Variants in PCDHGA10 observed in about 807,000 individuals in gnomAD.
PCDHGA10 encodes the protein protocadherin gamma subfamily A, 10, also known as protocadherin gamma-A10.
In PCDHGA10, 42 loss-of-function variants were observed where a neutral mutation model predicts 59.5. That is an observed-to-expected ratio of 0.71 (90% confidence interval 0.55 to 0.91). The LOEUF (loss-of-function observed/expected upper bound fraction) is 0.91, where lower values mean the gene tolerates loss of function less well. Among genes scored for constraint, PCDHGA10 ranks in the 40% least tolerant of loss-of-function variants. PCDHGA10 has a pLI of 0.00. For missense variants in PCDHGA10, 1,111 were observed against 1,198.2 expected, an observed-to-expected ratio of 0.93 and a Z score of 1.07; for synonymous variants, 511 against 517.2, an observed-to-expected ratio of 0.99 and a Z score of 0.16.
At chr5:141,460,912 GTA>G (rs34683754) in intron 1 of PCDHGA10, among the ~76,000 whole-genome samples, 12 of 149,310 alleles carry the variant, frequency 8.0e-5, no homozygotes, top group African/African-American at 7.4e-5. Flanking sequence ...ATTCCATGGT[GTA>G]TATATATATA....
At position 141,476,573 on chromosome 5, in the gene PCDHGA10, C is replaced by T; in HGVS notation, c.2437-18234C>T. 6.2e-7 allele frequency: 1 copy of T among 1,614,216 alleles called. No homozygotes were observed. Among genetic ancestry groups the T allele is most frequent in the Non-Finnish European group, 8.5e-7 (1 of 1,180,038 alleles). On this transcript the variant is annotated intron_variant, in intron 1 of 3. Coordinates refer to ENST00000398610, the MANE Select transcript of PCDHGA10 (RefSeq NM_018913.3). The surrounding 1 kb of genome is among the most constrained non-coding windows in gnomAD (Gnocchi z 7.6). ...TAGCGAGGCCGTGGCTCCGGGGACG[C>T]GCTTTCCGCTCGAGAGCGCGCACGA... is the stretch of plus-strand genomic sequence containing the variant.
In PCDHGA10 at chr5:141,413,517, G is replaced by A. The variant is rs1561743187; in HGVS notation, c.342G>A (p.Val114=). The A allele has an allele frequency of 6.2e-7, 1 of 1,613,946 alleles. No individual in the cohort carries two copies. Residue 114 remains valine, a synonymous_variant, in exon 1 of 4, where the codon GTG becomes GTA. Coordinates refer to ENST00000398610, the MANE Select transcript of PCDHGA10 (RefSeq NM_018913.3). ...ARCVVSFNIL[V]EDRVKLFGIE... ...GCGTGGTGAGTTTTAATATCCTTGT[G>A]GAAGACAGGGTGAAACTTTTTGGGA...
Position 141,477,598 on chromosome 5 carries a change from C to A in PCDHGA10, c.2437-17209C>A. The A allele has an allele frequency of 6.2e-7, 1 of 1,614,180 alleles. No homozygotes were observed. The highest frequency in any genetic ancestry group is 8.5e-7 in the Non-Finnish European group (1 of 1,180,030). ...CCCCGCAGAATGCTCGGCTTTCTTT[C>A]TTTCTCTTGGAGCAAGGAGCTGAAA... On this transcript the variant is annotated intron_variant, in intron 1 of 3. Transcript: ENST00000398610. This position sits in a 1 kb window ranked among gnomAD's most constrained non-coding sequence, Gnocchi z 4.9.
At chr5:141,423,757 G>C (rs562479446) in intron 1 of PCDHGA10, 29 of 395,138 alleles carry the variant, frequency 7.3e-5, no homozygotes, top group African/African-American at 6.1e-4. Flanking sequence ...GTTTGGGGGG[G>C]GGGTGGGGCG....
intron 1 of PCDHGA10, chr5:141,430,885 C>T (rs771554381): frequency 5.6e-6 from 9 of 1,605,218 alleles, no homozygotes; most frequent in South Asian, 1.1e-5. Flanking sequence ...TGGAGAAAGG[C>T]TCTAGGGTGG....
At chr5:141,459,263 C>T (rs2098964603) in intron 1 of PCDHGA10, among the ~76,000 whole-genome samples, 1 of 152,176 alleles carries the variant, frequency 6.6e-6, no homozygotes, top group South Asian at 2.1e-4. Flanking sequence ...ATTAGTGTTG[C>T]CTCTTTCAGA....
In PCDHGA10 at chr5:141,431,955, GA is replaced by G; in HGVS notation, c.2436+16347del. ...CCCTTTAAATTAGAAAAATCTTACG[GA>G]AATTACTATAGTTTAGTCACAGACA... On this transcript the variant is annotated intron_variant, in intron 1 of 3. Coordinates refer to ENST00000398610, the MANE Select transcript of PCDHGA10 (RefSeq NM_018913.3). The surrounding 1 kb of genome is among the most constrained non-coding windows in gnomAD (Gnocchi z 4.8). The G allele has an allele frequency of 6.2e-7, 1 of 1,614,142 alleles. No homozygotes were observed. Among genetic ancestry groups the G allele is most frequent in the Non-Finnish European group, 8.5e-7 (1 of 1,180,024 alleles).
Position 141,486,954 on chromosome 5 carries a change from C to T in PCDHGA10, c.2437-7853C>T, listed in dbSNP as rs764632268. 3.7e-6 allele frequency: 6 copies of T among 1,614,114 alleles called. 1 individual carries two copies. The South Asian group carries it at 6.6e-5, about 18-fold the overall frequency. On this transcript the variant is annotated intron_variant, in intron 1 of 3. Coordinates refer to ENST00000398610, the MANE Select transcript of PCDHGA10 (RefSeq NM_018913.3). The surrounding 1 kb of genome is among the most constrained non-coding windows in gnomAD (Gnocchi z 5.0). ...GCTGGCCACCTAATCACAAAGGTGA[C>T]TGCTGTGGACTTGGATTCAGGTTAC...
intron 3 of PCDHGA10, 57 bp from the exon 4 acceptor site, chr5:141,510,890 A>G (rs1434557860): frequency 1.2e-5 from 20 of 1,612,748 alleles, no homozygotes; most frequent in South Asian, 3.3e-5. Context: ...GATATAAGAC[A>G]GTGACTGTTG....
chr5:141,416,745 C>T (rs186830862), intron 1 of PCDHGA10: 5 of 152,194 alleles, frequency 3.3e-5, no homozygotes, highest in South Asian at 2.1e-4. Flanking sequence ...AAAATAGTGA[C>T]GTATTAGGTA....
chr5:141,422,453 G>A, intron 1 of PCDHGA10: 3 of 1,611,704 alleles, frequency 1.9e-6, no homozygotes, highest in Non-Finnish European at 2.5e-6. Context: ...ATAACAAGCA[G>A]AGTGCTGGAC....
chr5:141,421,931 A>T, intron 1 of PCDHGA10: 1 of 1,613,556 alleles, frequency 6.2e-7, no homozygotes, highest in East Asian at 2.2e-5. Context: ...GTGGTCCTCG[A>T]TGTAAATGAT....
At chr5:141,454,789 G>T (rs1368681394) in intron 1 of PCDHGA10, among the ~76,000 whole-genome samples, 1 of 129,576 alleles carries the variant, frequency 7.7e-6, no homozygotes, top group African/African-American at 3.1e-5. Flanking sequence ...AATCCTCCAT[G>T]GTTCTAATTT....
rs1167812243 is a variant in PCDHGA10, at chr5:141,414,179, C to T, written c.1004C>T (p.Ala335Val). ...GATGGAGGAGCATATCTTGCAACTG[C>T]AAAAGTGTTGATTACAGTAGAAGAT... The part of the protein sequence containing the change: ...AEDGGAYLAT[A>V]KVLITVEDVN... Residue 335 changes from alanine to valine, a missense_variant, in exon 1 of 4, where the codon GCA (alanine) becomes GTA (valine). Ala to Val is a moderately conservative substitution (Grantham distance 64). Transcript: ENST00000398610. 3 of 1,608,128 alleles carry T rather than the reference C, an allele frequency of 1.9e-6. No individual in the cohort carries two copies. In the South Asian group the frequency reaches 3.3e-5, roughly 18 times the overall value.
At chr5:141,495,800 C>T (rs1351461035) in intron 2 of PCDHGA10, among the ~76,000 whole-genome samples, 5 of 152,134 alleles carry the variant, frequency 3.3e-5, no homozygotes, top group Non-Finnish European at 7.3e-5. Context: ...CTCCTTTCAC[C>T]GTTTCCTAGC....
intron 1 of PCDHGA10, among the ~76,000 whole-genome samples, chr5:141,483,373 G>A (rs1410856257): frequency 6.6e-6 from 1 of 152,166 alleles, no homozygotes; most frequent in Admixed American, 6.5e-5. Flanking sequence ...TGCAATATTT[G>A]AAGAGAAGAT....
chr5:141,418,452 A>C (rs2096259372), intron 1 of PCDHGA10: 5 of 1,614,024 alleles, frequency 3.1e-6, no homozygotes, highest in Non-Finnish European at 4.2e-6. Context: ...GTATTGCAGA[A>C]GACTCTGGAC....
rs2095715416 is a variant in PCDHGA10 at position 141,414,159 on chromosome 5, A to G, written c.984A>G (p.Gly328=). ...FYEIEIQAED[G]GAYLATAKVL... ...AAATAGAAATACAAGCAGAAGATGG[A>G]GGAGCATATCTTGCAACTGCAAAAG... Residue 328 remains glycine, a synonymous_variant, in exon 1 of 4, where the codon GGA becomes GGG. Transcript: ENST00000398610. 6.2e-7 allele frequency: 1 copy of G among 1,602,874 alleles called. No individual in the cohort carries two copies.
chr5:141,421,246 C>T (rs1047768415), intron 1 of PCDHGA10: 16 of 1,603,622 alleles, frequency 1.0e-5, no homozygotes, highest in Admixed American at 1.7e-5. Flanking sequence ...TCGGCTACAG[C>T]GCGGGGACCG....
Sources: gnomAD v4.1 joint callset for allele counts (sites outside exome capture counted in the v4.1 genomes callset) on GRCh38, gnomAD v4.1.1 for gene constraint, Gnocchi (gnomAD v3.1) non-coding constraint, MANE v1.5 for transcripts, NCBI Gene and HGNC (gene_info 2026-07-23, HGNC 2026-07-21) for gene names.